IL7: variants seen among roughly 807,000 people sequenced by gnomAD.
IL7 encodes interleukin-7.
Under a neutral mutation model 21.6 loss-of-function variants are expected in IL7, and 3 were observed. The observed-to-expected ratio is 0.14, with a 90% CI of 0.06 to 0.36. The LOEUF (loss-of-function observed/expected upper bound fraction) is 0.36, where lower values mean the gene tolerates loss of function less well. Among genes scored for constraint, IL7 ranks in the 10% least tolerant of loss-of-function variants. The pLI, the probability that IL7 is intolerant of heterozygous loss-of-function variation, is 1.00. For missense variants in IL7, 175 were observed against 200.2 expected (o/e 0.87, Z 0.76); for synonymous variants, 62 against 68.1 (o/e 0.91, Z 0.44).
At chr8:78,711,374 GTGTGTGTA>G (rs1415311215) in intron 3 of IL7, among the ~76,000 whole-genome samples, 5 of 151,922 alleles carry the variant, frequency 3.3e-5, no homozygotes, top group Non-Finnish European at 7.4e-5. Context: ...GTCAAAATGT[GTGTGTGTA>G]TATATAGGCC....
At chr8:78,752,590 TC>T (rs1184637955) in intron 2 of IL7, among the ~76,000 whole-genome samples, 4 of 152,160 alleles carry the variant, frequency 2.6e-5, no homozygotes, top group African/African-American at 9.6e-5. Flanking sequence ...TCTATTCACA[TC>T]CTTTGCTCAC....
chr8:78,760,055 G>T, intron 2 of IL7: 2 of 1,303,930 alleles, frequency 1.5e-6, no homozygotes, highest in Non-Finnish European at 2.0e-6. Context: ...TATAGGCAAA[G>T]ATATTTAGTG....
intron 4 of IL7, among the ~76,000 whole-genome samples, chr8:78,682,709 C>T (rs112805262): frequency 0.037 from 5,613 of 152,246 alleles, 315 homozygotes; most frequent in African/African-American, 0.13. Context: ...CAAAACCAAT[C>T]ATGCCTTCCC....
At chr8:78,788,034 T>C (rs1813567753) in intron 2 of IL7, among the ~76,000 whole-genome samples, 1 of 152,190 alleles carries the variant, frequency 6.6e-6, no homozygotes, top group South Asian at 2.1e-4. Context: ...AGTTAATGCA[T>C]AAAATTAACC....
chr8:78,687,915 A>ATT (rs899825283), intron 3 of IL7, among the ~76,000 whole-genome samples: 1 of 140,978 alleles, frequency 7.1e-6, no homozygotes, highest in East Asian at 2.0e-4. Context: ...TTATATAAAT[A>ATT]TATAATTATT....
intron 2 of IL7, among the ~76,000 whole-genome samples, chr8:78,756,469 A>G (rs900128603): frequency 2.6e-5 from 4 of 151,688 alleles, no homozygotes; most frequent in African/African-American, 9.7e-5. Context: ...TTTTGGGAGA[A>G]TTTTATTATT....
At chr8:78,728,540 A>G (rs1811371861), downstream of IL7, among the ~76,000 whole-genome samples, 1 of 152,082 alleles carries the variant, frequency 6.6e-6, no homozygotes, top group Non-Finnish European at 1.5e-5. Context: ...TTTTCAACAA[A>G]TGGTGATGAA....
chr8:78,686,308 A>T (rs1809969397), intron 3 of IL7, among the ~76,000 whole-genome samples: 1 of 152,188 alleles, frequency 6.6e-6, no homozygotes, highest in Non-Finnish European at 1.5e-5. Context: ...TAGTTGCATA[A>T]AGTTTCTCTT....
intron 3 of IL7, among the ~76,000 whole-genome samples, chr8:78,709,388 T>G (rs932860235): frequency 6.6e-6 from 1 of 152,216 alleles, no homozygotes; most frequent in Non-Finnish European, 1.5e-5. Flanking sequence ...GAAATGAATT[T>G]GTGTGGAGCG....
At chr8:78,741,044 C>A (rs1430339990) in intron 2 of IL7, among the ~76,000 whole-genome samples, 1 of 152,238 alleles carries the variant, frequency 6.6e-6, no homozygotes, top group Non-Finnish European at 1.5e-5. Context: ...GGACTGAAAG[C>A]AATCTTAGCC....
chr8:78,682,726 C>T (rs1321192653), intron 4 of IL7, among the ~76,000 whole-genome samples: 1 of 152,124 alleles, frequency 6.6e-6, no homozygotes, highest in Non-Finnish European at 1.5e-5. Context: ...TCCCAACAGT[C>T]CCCCAAAGTC....
intron 3 of IL7, among the ~76,000 whole-genome samples, chr8:78,727,634 C>T (rs1006353794): frequency 4.6e-5 from 7 of 151,908 alleles, no homozygotes; most frequent in African/African-American, 1.7e-4. Context: ...TGACAAACTC[C>T]TGAGAAATAT....
At chr8:78,761,184 T>G in intron 2 of IL7, 1 of 1,593,230 alleles carries the variant, frequency 6.3e-7, no homozygotes, top group South Asian at 1.2e-5. Context: ...TCTTTACCCC[T>G]TTCTTTACTG....
At chr8:78,678,108 CT>C (rs1044788303) in intron 4 of IL7, among the ~76,000 whole-genome samples, 12 of 152,100 alleles carry the variant, frequency 7.9e-5, no homozygotes, top group African/African-American at 2.7e-4. Context: ...CTAGTGCAAC[CT>C]GTTTTTATTA....
chr8:78,742,985 GT>G (rs1239311959), intron 2 of IL7, among the ~76,000 whole-genome samples: 2 of 152,082 alleles, frequency 1.3e-5, no homozygotes, highest in African/African-American at 4.8e-5. Flanking sequence ...GTGGTATTTG[GT>G]TTTCTGTTCC....
intron 2 of IL7, among the ~76,000 whole-genome samples, chr8:78,789,556 GT>G (rs1187578832): frequency 6.6e-6 from 1 of 152,060 alleles, no homozygotes; most frequent in Non-Finnish European, 1.5e-5. Context: ...TCATTAAAGA[GT>G]TTTTAAAAAG....
rs562448134 is a variant in IL7, at chr8:78,733,508, T to A, written c.*205A>T. 1.2e-4 allele frequency: 56 copies of A among 460,206 alleles called. No individual in the cohort carries two copies. In the East Asian group the frequency reaches 1.2e-3, roughly 10 times the overall value. 28.5% of individuals were successfully genotyped at this position (460,206 alleles called of 1,614,324 possible). On this transcript the variant is annotated 3_prime_UTR_variant, in exon 6 of 6. Coordinates refer to ENST00000263851, the MANE Select transcript of IL7 (RefSeq NM_000880.4). Reference sequence around the variant, plus strand: ...AAATGTTCACATATATAAGAAATAGTTTGTTGACTGGAGCATTCAGTTTCC... The same window carrying A: ...AAATGTTCACATATATAAGAAATAGATTGTTGACTGGAGCATTCAGTTTCC...
intron 5 of IL7, among the ~76,000 whole-genome samples, chr8:78,720,457 A>G (rs766324644): frequency 2.6e-5 from 4 of 151,804 alleles, no homozygotes; most frequent in Non-Finnish European, 5.9e-5. Context: ...AATGCTCCTC[A>G]TTTTAAACAC....
At chr8:78,734,233 A>C (rs886200694) in intron 5 of IL7, among the ~76,000 whole-genome samples, 1 of 152,202 alleles carries the variant, frequency 6.6e-6, no homozygotes, top group African/African-American at 2.4e-5. Flanking sequence ...TGCCAAAGAT[A>C]ATAAGGATAT....
Sources: gnomAD v4.1 joint callset for allele counts (sites outside exome capture counted in the v4.1 genomes callset) on GRCh38, gnomAD v4.1.1 for gene constraint, MANE v1.5 for transcripts, NCBI Gene and HGNC (gene_info 2026-07-23, HGNC 2026-07-21) for gene names.